GRAMD1B: variants seen among roughly 807,000 people sequenced by gnomAD.
The protein encoded by GRAMD1B is GRAM domain containing 1B.
A neutral mutation model predicts 99.7 loss-of-function variants in GRAMD1B; 37 were observed. The observed-to-expected ratio is 0.37, with a 90% CI of 0.29 to 0.49. The LOEUF (loss-of-function observed/expected upper bound fraction) is 0.49. Among genes scored for constraint, GRAMD1B ranks in the 20% least tolerant of loss-of-function variants. GRAMD1B has a pLI of 0.98. For missense variants in GRAMD1B, 888 were observed against 1,009.2 expected (o/e 0.88, Z 1.63); for synonymous variants, 427 against 387.6 (o/e 1.10, Z -1.19).
At chr11:123,566,070 A>T (rs918409009) in intron 2 of GRAMD1B, among the ~76,000 whole-genome samples, 4 of 152,186 alleles carry the variant, frequency 2.6e-5, no homozygotes, top group Non-Finnish European at 5.9e-5. Flanking sequence ...CTGGGAATTC[A>T]CATTCCACTG....
intron 2 of GRAMD1B, among the ~76,000 whole-genome samples, chr11:123,491,140 G>A (rs989639573): frequency 9.2e-5 from 14 of 152,056 alleles, no homozygotes; most frequent in African/African-American, 2.7e-4. Context: ...TGAGACCAGC[G>A]TGGCCAAAAT....
chr11:123,545,289 C>T (rs1395312850), intron 2 of GRAMD1B, among the ~76,000 whole-genome samples: 1 of 152,204 alleles, frequency 6.6e-6, no homozygotes, highest in African/African-American at 2.4e-5. Context: ...CCTAGAATCG[C>T]CTTAGGTGCT....
intron 2 of GRAMD1B, among the ~76,000 whole-genome samples, chr11:123,511,384 G>A (rs944407252): frequency 6.6e-6 from 1 of 152,158 alleles, no homozygotes; most frequent in East Asian, 1.9e-4. Flanking sequence ...AGGGAATGGG[G>A]CCTGGGTGCT....
At chr11:123,421,586 G>T (rs1358766237) in intron 1 of GRAMD1B, among the ~76,000 whole-genome samples, 1 of 152,206 alleles carries the variant, frequency 6.6e-6, no homozygotes, top group Non-Finnish European at 1.5e-5. Context: ...GGATGAGATA[G>T]CTAATTCTTC....
At chr11:123,462,456 G>A (rs1051717712) in intron 1 of GRAMD1B, among the ~76,000 whole-genome samples, 2 of 152,110 alleles carry the variant, frequency 1.3e-5, no homozygotes, top group East Asian at 1.9e-4. Flanking sequence ...AAGCAGAGAC[G>A]GCTGACACTT....
intron 2 of GRAMD1B, among the ~76,000 whole-genome samples, chr11:123,517,932 T>C (rs1941829655): frequency 6.6e-6 from 1 of 152,158 alleles, no homozygotes; most frequent in African/African-American, 2.4e-5. Flanking sequence ...CCTGAGTTTA[T>C]AAGCACCCTC....
At chr11:123,408,735 T>G (rs1028982426) in intron 1 of GRAMD1B, among the ~76,000 whole-genome samples, 4 of 152,278 alleles carry the variant, frequency 2.6e-5, no homozygotes, top group Non-Finnish European at 5.9e-5. Context: ...TTCACTAGGA[T>G]GTACTGGGAC....
intron 2 of GRAMD1B, among the ~76,000 whole-genome samples, chr11:123,533,027 T>C (rs1943563925): frequency 6.6e-6 from 1 of 152,226 alleles, no homozygotes; most frequent in Non-Finnish European, 1.5e-5. Flanking sequence ...TGAAGTGCAA[T>C]GGTGCGATCT....
At chr11:123,508,058 C>T (rs185592946) in intron 2 of GRAMD1B, among the ~76,000 whole-genome samples, 1 of 152,098 alleles carries the variant, frequency 6.6e-6, no homozygotes, top group Non-Finnish European at 1.5e-5. Context: ...TCACAGGGCT[C>T]TCAGTATCCA....
In GRAMD1B at chr11:123,606,693, G is replaced by A. The variant is rs1451766272; in HGVS notation, c.1408G>A (p.Glu470Lys). The A allele has an allele frequency of 1.2e-6, 2 of 1,613,582 alleles. No individual in the cohort carries two copies. The highest frequency in any genetic ancestry group is 2.2e-5 in the South Asian group (2 of 90,888). ...KELAIDNIMG[E>K]KIEMIAPVNS... Reference sequence around the variant, plus strand: ...GCTCGCCATTGACAACATCATGGGGGAGAAGATTGAGATGATCGCTCCTGT... The same window carrying A: ...GCTCGCCATTGACAACATCATGGGGAAGAAGATTGAGATGATCGCTCCTGT... Residue 470 changes from glutamate (E) to lysine (K), a missense_variant, in exon 11 of 20, where the codon GAG becomes AAG. By Grantham distance (56) the Glu-to-Lys change is moderately conservative. This residue lies in a region of GRAMD1B where 269 missense variants were observed against 296.6 expected (regional missense o/e 0.91). Transcript: ENST00000635736.
At chr11:123,556,763 C>T (rs927056273) in intron 2 of GRAMD1B, among the ~76,000 whole-genome samples, 12 of 152,154 alleles carry the variant, frequency 7.9e-5, no homozygotes, top group Non-Finnish European at 1.5e-4. Context: ...AGTCCGGAGG[C>T]GTAAGTTCCG....
chr11:123,384,009 T>A (rs1946975822), intron 1 of GRAMD1B, among the ~76,000 whole-genome samples: 1 of 152,068 alleles, frequency 6.6e-6, no homozygotes, highest in African/African-American at 2.4e-5. Flanking sequence ...TAGTTGGGAT[T>A]ACAGGCATGC....
At chr11:123,538,383 T>G (rs972999152) in intron 2 of GRAMD1B, among the ~76,000 whole-genome samples, 1 of 152,172 alleles carries the variant, frequency 6.6e-6, no homozygotes, top group Non-Finnish European at 1.5e-5. Flanking sequence ...GATTTCCCCT[T>G]TTGAAAACAG....
In GRAMD1B at chr11:123,577,417, G is replaced by T. The variant is rs1948833482; in HGVS notation, c.503G>T (p.Arg168Leu). The part of the protein sequence containing the change: ...RSTPACSPIL[R>L]KRSRSPTPQN... The stretch of plus-strand genomic sequence containing the variant: ...ACGCCGGCCTGCTCGCCCATCCTCC[G>T]GAAGCGGTCTCGCTCGCCAACCCCG... The change falls in exon 3 of 20, where the codon CGG (arginine) becomes CTG (leucine). Residue 168 changes from arginine to leucine, a missense_variant. Arg to Leu is a moderately radical substitution (Grantham distance 102). Around this residue, in one of 5 missense-constraint regions of GRAMD1B, gnomAD observed 233 missense variants for 154.6 expected, o/e 1.51. Coordinates refer to ENST00000635736, the MANE Select transcript of GRAMD1B (RefSeq NM_001387025.1). The T allele has an allele frequency of 6.3e-7, 1 of 1,599,572 alleles. No homozygotes were observed. The highest frequency in any genetic ancestry group is 1.3e-5 in the African/African-American group (1 of 74,602).
At chr11:123,545,659 T>C (rs934777386) in intron 2 of GRAMD1B, among the ~76,000 whole-genome samples, 5 of 152,228 alleles carry the variant, frequency 3.3e-5, no homozygotes, top group Admixed American at 6.5e-5. Context: ...AGAATTGTTA[T>C]GAGAATTAAA....
At chr11:123,540,490 A>G (rs1178417466) in intron 2 of GRAMD1B, among the ~76,000 whole-genome samples, 2 of 152,206 alleles carry the variant, frequency 1.3e-5, no homozygotes, top group Non-Finnish European at 1.5e-5. Flanking sequence ...TTGCATTTGT[A>G]TAGTATTTTT....
At chr11:123,612,655 A>C (rs899911322) in intron 14 of GRAMD1B, 106 bp from the exon 15 acceptor site, 3 of 722,194 alleles carry the variant, frequency 4.2e-6, no homozygotes, top group Admixed American at 2.0e-5. Context: ...TGTAAAGTTT[A>C]GTACAAATGT....
intron 2 of GRAMD1B, among the ~76,000 whole-genome samples, chr11:123,572,367 A>G (rs1948197762): frequency 6.6e-6 from 1 of 152,242 alleles, no homozygotes; most frequent in African/African-American, 2.4e-5. Context: ...GGGTCAGATG[A>G]ATGGCACATT....
intron 3 of GRAMD1B, among the ~76,000 whole-genome samples, chr11:123,583,486 T>C (rs1308731594): frequency 6.6e-6 from 1 of 152,182 alleles, no homozygotes; most frequent in African/African-American, 2.4e-5. Context: ...GCACACAAGC[T>C]TGTCTATCTG....
Sources: gnomAD v4.1 joint callset for allele counts (sites outside exome capture counted in the v4.1 genomes callset) on GRCh38, gnomAD v4.1.1 for gene constraint, gnomAD v4.1.1 regional missense constraint, MANE v1.5 for transcripts, NCBI Gene and HGNC (gene_info 2026-07-23, HGNC 2026-07-21) for gene names.